Variants in CFAP299 observed in about 807,000 individuals in gnomAD.
The protein encoded by CFAP299 is cilia- and flagella-associated protein 299.
In CFAP299, 21 loss-of-function variants were observed where a neutral mutation model predicts 27.0. The ratio of observed to expected loss-of-function variants is 0.78; its 90% CI spans 0.55 to 1.12. The LOEUF (loss-of-function observed/expected upper bound fraction) is 1.12, where lower values mean the gene tolerates loss of function less well. CFAP299 is among the 50% of genes most tolerant of loss of function. The pLI is 0.00. For synonymous variants in CFAP299, 104 were observed against 98.1 expected (o/e 1.06, Z -0.36); for missense variants, 310 against 276.6 (o/e 1.12, Z -0.86).
intron 3 of CFAP299, among the ~76,000 whole-genome samples, chr4:80,791,954 A>T (rs987903650): frequency 9.9e-5 from 15 of 151,956 alleles, no homozygotes; most frequent in Middle Eastern, 6.3e-3. Context: ...GAGCGGGGTT[A>T]TCAAAAATAT....
At chr4:80,933,411 G>A (rs985754171) in intron 4 of CFAP299, among the ~76,000 whole-genome samples, 6 of 151,938 alleles carry the variant, frequency 3.9e-5, no homozygotes, top group African/African-American at 7.3e-5. Context: ...CCTTTCTGTC[G>A]GGCTTTTTTC....
At chr4:80,907,098 C>T (rs1405358058) in intron 4 of CFAP299, among the ~76,000 whole-genome samples, 2 of 152,142 alleles carry the variant, frequency 1.3e-5, no homozygotes, top group Non-Finnish European at 2.9e-5. Flanking sequence ...TAAATCATTT[C>T]CCTCAAGTTC....
intron 2 of CFAP299, among the ~76,000 whole-genome samples, chr4:80,445,607 G>A (rs1016867419): frequency 2.0e-5 from 3 of 152,062 alleles, no homozygotes; most frequent in Non-Finnish European, 2.9e-5. Flanking sequence ...AACCACCATG[G>A]CACATGTATA....
At chr4:80,695,844 G>A (rs528851020) in intron 3 of CFAP299, among the ~76,000 whole-genome samples, 10 of 151,754 alleles carry the variant, frequency 6.6e-5, no homozygotes, top group South Asian at 4.2e-4. Context: ...TTTTAATAGA[G>A]ATAAGATTTC....
chr4:80,631,869 C>CACCG lies in CFAP299; in HGVS notation c.333+48686_333+48687insACCG, dbSNP rs146118097. Among the ~76,000 whole-genome samples, 2 of 113,184 alleles carry CACCG rather than the reference C, an allele frequency of 1.8e-5. 1 individual carries two copies. 74.3% of individuals were successfully genotyped at this position (113,184 alleles called of 152,430 possible). ...AGTCTGAATATTTGTGCCCCACCCC[C>CACCG]CCCCAACCAAATTCATATGTTAACA... On this transcript the variant is annotated intron_variant, in intron 3 of 5. Coordinates refer to ENST00000358105, the MANE Select transcript of CFAP299 (RefSeq NM_152770.3).
At chr4:80,743,003 T>G (rs1296450208) in intron 3 of CFAP299, among the ~76,000 whole-genome samples, 1 of 152,158 alleles carries the variant, frequency 6.6e-6, no homozygotes, top group Non-Finnish European at 1.5e-5. Flanking sequence ...GGACTGTGTA[T>G]GCAAAAAAAT....
At chr4:80,390,285 C>A (rs902077934) in intron 2 of CFAP299, among the ~76,000 whole-genome samples, 2 of 151,698 alleles carry the variant, frequency 1.3e-5, no homozygotes, top group South Asian at 4.1e-4. Context: ...ATTTACCCTA[C>A]CCCCCAACCC....
chr4:80,764,300 C>T (rs984389401), intron 3 of CFAP299, among the ~76,000 whole-genome samples: 3 of 152,118 alleles, frequency 2.0e-5, no homozygotes, highest in Admixed American at 6.5e-5. Flanking sequence ...TATGAACAGA[C>T]ACTTCTCAAA....
chr4:80,501,447 C>A (rs899603727), intron 2 of CFAP299, among the ~76,000 whole-genome samples: 11 of 146,180 alleles, frequency 7.5e-5, no homozygotes, highest in Middle Eastern at 3.8e-3. Flanking sequence ...TATAAATATT[C>A]ATATTTATAA....
In CFAP299 at chr4:80,891,787, A is replaced by AT. The variant is rs1370018318; in HGVS notation, c.476+21652_476+21653insT. On this transcript the variant is annotated intron_variant, in intron 4 of 5. Transcript: ENST00000358105. ...TAATAAAAAAAAAAATTAAAAAAAA[A>AT]ATAAAAAAAAAAATAAAAGCTTTGA... Among the ~76,000 whole-genome samples, 943 of 126,428 alleles carry AT rather than the reference A, an allele frequency of 7.5e-3. 25 individuals carry two copies. The highest frequency in any genetic ancestry group is 0.031 in the African/African-American group (914 of 29,084). 82.9% of individuals were successfully genotyped at this position (126,428 alleles called of 152,430 possible). A position where few individuals can be genotyped will look rare whatever the true frequency, so the allele number is the denominator to read the frequency against.
At chr4:80,743,481 A>G (rs1560729449) in intron 3 of CFAP299, among the ~76,000 whole-genome samples, 7 of 152,180 alleles carry the variant, frequency 4.6e-5, no homozygotes, top group Admixed American at 4.6e-4. Flanking sequence ...ATGTGGATAA[A>G]TGACTATAAA....
chr4:80,340,889 C>T (rs1722415452), intron 1 of CFAP299, among the ~76,000 whole-genome samples: 1 of 152,084 alleles, frequency 6.6e-6, no homozygotes, highest in Non-Finnish European at 1.5e-5. Flanking sequence ...AATTTTACTG[C>T]CCCAGCCTCC....
intron 3 of CFAP299, chr4:80,608,517 A>G (rs1051637629): frequency 7.5e-6 from 4 of 536,020 alleles, no homozygotes; most frequent in Non-Finnish European, 1.3e-5. Context: ...AATGACAGTC[A>G]CAAGTAGTGC....
chr4:80,931,877 A>G (rs189113155), intron 4 of CFAP299, among the ~76,000 whole-genome samples: 1 of 152,294 alleles, frequency 6.6e-6, no homozygotes, highest in East Asian at 1.9e-4. Context: ...AGAGGAAACA[A>G]CTGTTTCTTT....
chr4:80,551,255 G>A (rs1404903539), intron 2 of CFAP299, among the ~76,000 whole-genome samples: 6 of 152,058 alleles, frequency 3.9e-5, no homozygotes, highest in African/African-American at 1.4e-4. Context: ...TTCTTACAAC[G>A]GTATTTGTGG....
chr4:80,688,751 C>G (rs866633680), intron 3 of CFAP299, among the ~76,000 whole-genome samples: 1 of 151,840 alleles, frequency 6.6e-6, no homozygotes, highest in Non-Finnish European at 1.5e-5. Context: ...CTCCGAGCTA[C>G]GGGAGGACAT....
intron 3 of CFAP299, among the ~76,000 whole-genome samples, chr4:80,800,543 A>G (rs1256684750): frequency 2.0e-5 from 1 of 50,378 alleles, no homozygotes; most frequent in Non-Finnish European, 3.2e-5. Flanking sequence ...TATAATATAT[A>G]ATATATCAAT....
intron 4 of CFAP299, among the ~76,000 whole-genome samples, chr4:80,922,692 G>A (rs1736106816): frequency 6.6e-6 from 1 of 151,124 alleles, no homozygotes; most frequent in Admixed American, 6.6e-5. Context: ...TTCTTTTTTT[G>A]GATTTAAAAG....
chr4:80,867,976 G>C (rs1732843051), intron 3 of CFAP299, among the ~76,000 whole-genome samples: 1 of 151,514 alleles, frequency 6.6e-6, no homozygotes, highest in Non-Finnish European at 1.5e-5. Context: ...TAATTTAAAG[G>C]TCATATATAC....
Sources: gnomAD v4.1 joint callset for allele counts (sites outside exome capture counted in the v4.1 genomes callset) on GRCh38, gnomAD v4.1.1 for gene constraint, MANE v1.5 for transcripts, NCBI Gene and HGNC (gene_info 2026-07-23, HGNC 2026-07-21) for gene names.